The following FBXL20 variants were observed in gnomAD, a reference collection of about 807,000 sequenced individuals.
FBXL20 encodes the protein F-box and leucine rich repeat protein 20.
In FBXL20, 11 loss-of-function variants were observed where a neutral mutation model predicts 64.0. The ratio of observed to expected loss-of-function variants is 0.17; its 90% CI spans 0.11 to 0.28. The LOEUF (loss-of-function observed/expected upper bound fraction) is 0.28. FBXL20 is among the 10% of genes least tolerant of loss of function. The pLI, the probability that FBXL20 is intolerant of heterozygous loss-of-function variation, is 1.00. For synonymous variants in FBXL20, 184 were observed against 189.0 expected (o/e 0.97, Z 0.22); for missense variants, 303 against 526.2 (o/e 0.58, Z 4.15).
intron 2 of FBXL20, among the ~76,000 whole-genome samples, chr17:39,331,196 G>A (rs1452986193): frequency 2.0e-5 from 3 of 152,240 alleles, no homozygotes; most frequent in African/African-American, 7.2e-5. Context: ...CACCTCCGGG[G>A]TTCAAGCGAT....
intron 1 of FBXL20, among the ~76,000 whole-genome samples, chr17:39,354,019 T>C (rs1436140865): frequency 6.6e-6 from 1 of 152,184 alleles, no homozygotes; most frequent in African/African-American, 2.4e-5. Flanking sequence ...CTGAACTGTG[T>C]AATGTACATT....
intron 2 of FBXL20, among the ~76,000 whole-genome samples, chr17:39,328,109 G>A (rs967413606): frequency 3.3e-5 from 5 of 151,626 alleles, no homozygotes; most frequent in East Asian, 3.9e-4. Context: ...TTAGCCGGGC[G>A]TGGTGGCGGG....
intron 3 of FBXL20, 103 bp from the exon 4 acceptor site, chr17:39,301,178 T>G (rs1416897417): frequency 2.0e-6 from 2 of 1,007,058 alleles, no homozygotes; most frequent in African/African-American, 3.2e-5. Context: ...CTAAAATGGA[T>G]CCAAAAATTT....
chr17:39,352,105 ATT>A (rs2047693125), intron 1 of FBXL20, among the ~76,000 whole-genome samples: 1 of 152,198 alleles, frequency 6.6e-6, no homozygotes, highest in African/African-American at 2.4e-5. Context: ...AGTTTGACAC[ATT>A]TGAGGGATCT....
At chr17:39,399,933 G>A (rs2048225251) in intron 1 of FBXL20, among the ~76,000 whole-genome samples, 1 of 152,098 alleles carries the variant, frequency 6.6e-6, no homozygotes. Flanking sequence ...TCAGTATCTG[G>A]AACTGCCTTT....
intron 1 of FBXL20, among the ~76,000 whole-genome samples, chr17:39,384,626 C>CAAACA (rs1448703641): frequency 6.6e-6 from 1 of 151,794 alleles, no homozygotes. Flanking sequence ...ACTATATGTC[C>CAAACA]AGTATAATCT....
chr17:39,318,070 A>C (rs1286860751), intron 2 of FBXL20, among the ~76,000 whole-genome samples: 3 of 152,144 alleles, frequency 2.0e-5, no homozygotes, highest in African/African-American at 7.2e-5. Flanking sequence ...TATTTGAAGA[A>C]TGTAAAATCC....
At chr17:39,274,845 G>A in intron 10 of FBXL20, 125 bp downstream of exon 10, 8 of 1,227,188 alleles carry the variant, frequency 6.5e-6, no homozygotes, top group Non-Finnish European at 9.1e-6. Flanking sequence ...CATCTAAAAG[G>A]GACTACCTTA....
chr17:39,354,601 A>C (rs1391339287), intron 1 of FBXL20, among the ~76,000 whole-genome samples: 1 of 152,188 alleles, frequency 6.6e-6, no homozygotes, highest in East Asian at 1.9e-4. Context: ...GAATCAATGA[A>C]TGTTATTTAT....
chr17:39,374,181 C>T (rs1272529711), intron 1 of FBXL20, among the ~76,000 whole-genome samples: 1 of 151,136 alleles, frequency 6.6e-6, no homozygotes, highest in Admixed American at 6.6e-5. Flanking sequence ...GCCAAGATCA[C>T]GGCACTGCAC....
chr17:39,306,228 G>A (rs898517622), intron 2 of FBXL20, among the ~76,000 whole-genome samples: 2 of 150,352 alleles, frequency 1.3e-5, no homozygotes, highest in African/African-American at 4.9e-5. Context: ...TCGGCTCACT[G>A]CAACCTCAGC....
At chr17:39,315,583 A>G (rs2047279577) in intron 2 of FBXL20, among the ~76,000 whole-genome samples, 1 of 151,648 alleles carries the variant, frequency 6.6e-6, no homozygotes, top group South Asian at 2.1e-4. Context: ...AAGCAGAGTG[A>G]GGAGAGGACC....
intron 12 of FBXL20, among the ~76,000 whole-genome samples, chr17:39,267,956 T>C (rs1005680137): frequency 3.3e-5 from 5 of 152,244 alleles, no homozygotes; most frequent in African/African-American, 1.2e-4. Context: ...TTACAGTTAC[T>C]GACATATCTC....
upstream of FBXL20, chr17:39,402,152 C>G (rs978475977): frequency 8.1e-7 from 1 of 1,233,100 alleles, no homozygotes; most frequent in East Asian, 3.1e-5. Context: ...GGCCACCCAG[C>G]TCCCTTCCCC....
At chr17:39,340,382 A>T (rs1207093494) in intron 2 of FBXL20, among the ~76,000 whole-genome samples, 1 of 152,052 alleles carries the variant, frequency 6.6e-6, no homozygotes, top group Non-Finnish European at 1.5e-5. Context: ...GGCGTGAGCC[A>T]CCGCGCCCGA....
chr17:39,331,878 T>C (rs1353012443), intron 2 of FBXL20, among the ~76,000 whole-genome samples: 1 of 152,250 alleles, frequency 6.6e-6, no homozygotes, highest in Non-Finnish European at 1.5e-5. Context: ...TTTATACTTT[T>C]ATATTTAATC....
chr17:39,391,702 G>A (rs963977180), intron 1 of FBXL20, among the ~76,000 whole-genome samples: 1 of 152,122 alleles, frequency 6.6e-6, no homozygotes, highest in Non-Finnish European at 1.5e-5. Context: ...AGATATAGAT[G>A]ATCTGGTTCC....
At chr17:39,397,602 T>C (rs2048196286) in intron 1 of FBXL20, among the ~76,000 whole-genome samples, 1 of 152,142 alleles carries the variant, frequency 6.6e-6, no homozygotes, top group Admixed American at 6.6e-5. Flanking sequence ...AGGGCTAGTC[T>C]AGATATTTAA....
At chr17:39,270,882 G>GA in intron 10 of FBXL20, 26 bp from the exon 11 acceptor site, 1 of 1,452,456 alleles carries the variant, frequency 6.9e-7, no homozygotes, top group Middle Eastern at 1.8e-4. Flanking sequence ...AAAAAACAGT[G>GA]AAAGTCAAGC....
Sources: allele counts gnomAD v4.1 joint callset (sites outside exome capture counted in the v4.1 genomes callset), GRCh38; gene constraint gnomAD v4.1.1; transcripts MANE v1.5; gene names NCBI Gene and HGNC (gene_info 2026-07-23, HGNC 2026-07-21).